DDB2: variants seen among roughly 807,000 people sequenced by gnomAD.
DDB2 encodes damage specific DNA binding protein 2, also known as DNA damage-binding protein 2.
A neutral mutation model predicts 50.5 loss-of-function variants in DDB2; 27 were observed. The observed-to-expected ratio is 0.53, with a 90% CI of 0.39 to 0.74. DDB2 has a LOEUF of 0.74. Among genes scored for constraint, DDB2 ranks in the 30% least tolerant of loss-of-function variants. The pLI, the probability that DDB2 is intolerant of heterozygous loss-of-function variation, is 0.00. For synonymous variants in DDB2, 176 were observed against 205.5 expected, an observed-to-expected ratio of 0.86 and a Z score of 1.23; for missense variants, 424 against 545.6, an observed-to-expected ratio of 0.78 and a Z score of 2.22.
At chr11:47,235,223 C>G (rs958758950) in intron 6 of DDB2, 47 bp from the exon 7 acceptor site, 11 of 1,614,044 alleles carry the variant, frequency 6.8e-6, no homozygotes, top group Non-Finnish European at 9.3e-6. Flanking sequence ...GCCAGGACCA[C>G]AGAGGGCTTG....
intron 4 of DDB2, among the ~76,000 whole-genome samples, chr11:47,233,908 T>G (rs1852900756): frequency 6.6e-6 from 1 of 152,158 alleles, no homozygotes; most frequent in Non-Finnish European, 1.5e-5. Flanking sequence ...GGCTCCAGGC[T>G]ACTCTTCCGC....
upstream of DDB2, chr11:47,214,613 A>G: frequency 6.1e-6 from 1 of 164,532 alleles, no homozygotes; most frequent in South Asian, 1.5e-4. Context: ...AGAGAGAGAG[A>G]GAGAGAAATT....
intron 1 of DDB2, 161 bp downstream of exon 1, chr11:47,215,424 T>A: frequency 2.0e-6 from 2 of 1,013,880 alleles, no homozygotes; most frequent in Non-Finnish European, 3.0e-6. Context: ...CCAGAGTGTT[T>A]AGGTTTCAAC....
intron 3 of DDB2, among the ~76,000 whole-genome samples, chr11:47,232,315 C>T (rs1953659982): frequency 6.6e-6 from 1 of 150,884 alleles, no homozygotes; most frequent in Non-Finnish European, 1.5e-5. Context: ...GAGCAGGACT[C>T]CATCTCAAAA....
chr11:47,229,959 T>C (rs867807666), intron 3 of DDB2, among the ~76,000 whole-genome samples: 4 of 151,472 alleles, frequency 2.6e-5, no homozygotes, highest in Non-Finnish European at 5.9e-5. Context: ...GCCTCTCGAA[T>C]AGCTATGAGC....
chr11:47,218,241 C>T (rs892757454), intron 3 of DDB2, among the ~76,000 whole-genome samples: 16 of 152,158 alleles, frequency 1.1e-4, no homozygotes, highest in Non-Finnish European at 1.5e-4. Flanking sequence ...TATGTTTGCC[C>T]ACTGATGGCA....
intron 3 of DDB2, among the ~76,000 whole-genome samples, chr11:47,227,430 C>A (rs572869712): frequency 1.3e-5 from 2 of 151,794 alleles, no homozygotes; most frequent in African/African-American, 4.8e-5. Flanking sequence ...CTTATCAGAT[C>A]TATGATTTGA....
At chr11:47,231,323 A>C (rs1953646295) in intron 3 of DDB2, among the ~76,000 whole-genome samples, 1 of 152,094 alleles carries the variant, frequency 6.6e-6, no homozygotes, top group African/African-American at 2.4e-5. Context: ...TCTGAGCTGA[A>C]GCTCTTCTAA....
At chr11:47,235,181 G>T in intron 6 of DDB2, 89 bp from the exon 7 acceptor site, 1 of 1,559,486 alleles carries the variant, frequency 6.4e-7, no homozygotes, top group Non-Finnish European at 8.8e-7. Context: ...GGAGTGGGAG[G>T]GAGAGTACCC....
chr11:47,230,846 C>T (rs538835132), intron 3 of DDB2, among the ~76,000 whole-genome samples: 5 of 152,236 alleles, frequency 3.3e-5, no homozygotes, highest in East Asian at 3.9e-4. Context: ...CCTGACTGGG[C>T]GCAGTGGCTC....
chr11:47,232,840 G>A lies in DDB2; in HGVS notation c.483G>A (p.Gly161=), dbSNP rs1270533629. 6.2e-7 allele frequency: 1 copy of A among 1,613,886 alleles called. No individual in the cohort carries two copies. Among genetic ancestry groups the A allele is most frequent in the African/African-American group, 1.3e-5 (1 of 74,920 alleles). Residue 161 remains glycine (G), a synonymous_variant, in exon 4 of 10, where the codon GGG becomes GGA. Coordinates refer to ENST00000256996, the MANE Select transcript of DDB2 (RefSeq NM_000107.3). ...KGIGAGGSIT[G]LKFNPLNTNQ... is the part of the protein sequence containing the mutation. ...TTGGAGCTGGAGGGAGCATCACTGG[G>A]CTGAAGTTTAACCCTCTCAATACCA... is the stretch of plus-strand genomic sequence containing the variant.
At chr11:47,218,827 T>C (rs1037040630) in intron 3 of DDB2, among the ~76,000 whole-genome samples, 1 of 152,042 alleles carries the variant, frequency 6.6e-6, no homozygotes, top group Non-Finnish European at 1.5e-5. Context: ...TCTTTTGATA[T>C]CAGATGTGAT....
At chr11:47,230,078 G>T (rs548349114) in intron 3 of DDB2, among the ~76,000 whole-genome samples, 1 of 148,996 alleles carries the variant, frequency 6.7e-6, no homozygotes, top group East Asian at 2.0e-4. Context: ...TGGAAGGATT[G>T]CTTGAGCCCA....
At chr11:47,233,662 T>C (rs1326888426) in intron 4 of DDB2, among the ~76,000 whole-genome samples, 1 of 149,822 alleles carries the variant, frequency 6.7e-6, no homozygotes, top group Non-Finnish European at 1.5e-5. Flanking sequence ...TGAGCCGAGA[T>C]GGCGCCATTG....
At chr11:47,215,808 C>T (rs4647709) in intron 1 of DDB2, 17,232 of 263,176 alleles carry the variant, frequency 0.065, 740 homozygotes, top group Non-Finnish European at 0.088. Context: ...TGATTGGGTC[C>T]TCAAATACAG....
chr11:47,228,750 A>G (rs1467269783), intron 3 of DDB2, among the ~76,000 whole-genome samples: 4 of 151,704 alleles, frequency 2.6e-5, no homozygotes, highest in Non-Finnish European at 4.4e-5. Flanking sequence ...TGAAGTCAGG[A>G]GTTCGAGACC....
chr11:47,231,132 A>C (rs1013940275), intron 3 of DDB2, among the ~76,000 whole-genome samples: 43 of 151,276 alleles, frequency 2.8e-4, no homozygotes, highest in Non-Finnish European at 3.4e-4. Flanking sequence ...AAAAAAAAAA[A>C]AAAAAAAAAA....
intron 9 of DDB2, 48 bp from the exon 10 acceptor site, chr11:47,238,752 G>C (rs773516404): frequency 6.2e-7 from 1 of 1,606,146 alleles, no homozygotes; most frequent in South Asian, 1.1e-5. Context: ...CAGGCTCTGA[G>C]AGATTGGTAA....
intron 3 of DDB2, among the ~76,000 whole-genome samples, chr11:47,229,005 C>CTATCTATCTATA (rs1470460743): frequency 6.7e-6 from 1 of 148,950 alleles, no homozygotes; most frequent in Admixed American, 6.7e-5. Flanking sequence ...ATCTATCTAT[C>CTATCTATCTATA]TATCTATCTA....
Sources: gnomAD v4.1 joint callset for allele counts (sites outside exome capture counted in the v4.1 genomes callset) on GRCh38, gnomAD v4.1.1 for gene constraint, MANE v1.5 for transcripts, NCBI Gene and HGNC (gene_info 2026-07-23, HGNC 2026-07-21) for gene names.